The following FGF12 variants were observed in gnomAD, a reference collection of about 807,000 sequenced individuals.
The protein encoded by FGF12 is fibroblast growth factor 12.
In FGF12, 14 loss-of-function variants were observed where a neutral mutation model predicts 23.6. The ratio of observed to expected loss-of-function variants is 0.59; its 90% CI spans 0.39 to 0.93. FGF12 has a LOEUF of 0.93. Ranked by LOEUF, FGF12 falls within the 40% of genes least tolerant of loss-of-function variation. FGF12 has a pLI of 0.00. For synonymous variants in FGF12, 62 were observed against 77.3 expected, an observed-to-expected ratio of 0.80 and a Z score of 1.04; for missense variants, 175 against 217.8, an observed-to-expected ratio of 0.80 and a Z score of 1.24.
chr3:192,672,414 A>C (rs1717158249), intron 2 of FGF12, among the ~76,000 whole-genome samples: 1 of 151,042 alleles, frequency 6.6e-6, no homozygotes, highest in Admixed American at 6.6e-5. Flanking sequence ...ACACACATTA[A>C]AATTGTCATT....
intron 2 of FGF12, among the ~76,000 whole-genome samples, chr3:192,476,051 A>C (rs1415670903): frequency 6.6e-6 from 1 of 152,160 alleles, no homozygotes; most frequent in Non-Finnish European, 1.5e-5. Context: ...CCATCATCAA[A>C]CAGCATAAAA....
At chr3:192,711,056 G>C (rs1289365060) in intron 2 of FGF12, among the ~76,000 whole-genome samples, 2 of 152,180 alleles carry the variant, frequency 1.3e-5, no homozygotes, top group African/African-American at 4.8e-5. Context: ...AGAGCTTCCA[G>C]TCACCTTTTT....
intron 3 of FGF12, among the ~76,000 whole-genome samples, chr3:192,356,883 C>G (rs1055892151): frequency 6.6e-6 from 1 of 152,110 alleles, no homozygotes; most frequent in South Asian, 2.1e-4. Flanking sequence ...AATCCTTCTT[C>G]GATATTTTGA....
At chr3:192,611,823 A>G (rs902880300) in intron 2 of FGF12, among the ~76,000 whole-genome samples, 1 of 152,052 alleles carries the variant, frequency 6.6e-6, no homozygotes, top group African/African-American at 2.4e-5. Context: ...TCCAAAGGAC[A>G]GTAGTCATCT....
chr3:192,374,086 C>T (rs6790539), intron 2 of FGF12, among the ~76,000 whole-genome samples: 19,750 of 152,176 alleles, frequency 0.13, 1,313 homozygotes, highest in East Asian at 0.21. Context: ...AAAGGGCACA[C>T]GTTTGGGAGA....
At chr3:192,724,194 C>T (rs1488915259) in intron 2 of FGF12, among the ~76,000 whole-genome samples, 1 of 152,110 alleles carries the variant, frequency 6.6e-6, no homozygotes, top group Non-Finnish European at 1.5e-5. Context: ...AATGTGCATA[C>T]AAATTGCCTA....
intron 2 of FGF12, among the ~76,000 whole-genome samples, chr3:192,546,591 C>T (rs1725500664): frequency 2.0e-5 from 3 of 152,038 alleles, no homozygotes; most frequent in African/African-American, 4.8e-5. Context: ...CTTATTCCTT[C>T]CTGATAGAAT....
At chr3:192,203,743 A>G (rs555025558) in intron 4 of FGF12, among the ~76,000 whole-genome samples, 13 of 151,960 alleles carry the variant, frequency 8.6e-5, no homozygotes, top group Admixed American at 7.9e-4. Flanking sequence ...AGTAGTTCAG[A>G]TTATTAGCTG....
At chr3:192,421,555 C>T (rs967553889) in intron 2 of FGF12, among the ~76,000 whole-genome samples, 2 of 152,046 alleles carry the variant, frequency 1.3e-5, no homozygotes, top group Non-Finnish European at 2.9e-5. Context: ...TCATTCTCAG[C>T]AAACTATCAC....
intron 2 of FGF12, among the ~76,000 whole-genome samples, chr3:192,372,874 C>G (rs1310510416): frequency 6.6e-6 from 1 of 152,198 alleles, no homozygotes; most frequent in Non-Finnish European, 1.5e-5. Context: ...GTTTCATCAT[C>G]ATCTTAATTG....
intron 5 of FGF12, among the ~76,000 whole-genome samples, chr3:192,145,830 CT>C (rs1192981080): frequency 1.3e-5 from 2 of 152,070 alleles, no homozygotes; most frequent in Non-Finnish European, 2.9e-5. Flanking sequence ...CTTTCTTCTT[CT>C]TTTTTTGTTT....
chr3:192,414,934 G>A (rs1721300070), intron 2 of FGF12, among the ~76,000 whole-genome samples: 1 of 152,058 alleles, frequency 6.6e-6, no homozygotes, highest in Non-Finnish European at 1.5e-5. Context: ...TTTTACTATT[G>A]TTGGCCAAGA....
intron 4 of FGF12, among the ~76,000 whole-genome samples, chr3:192,215,075 C>G (rs1414073338): frequency 6.6e-6 from 1 of 152,180 alleles, no homozygotes; most frequent in African/African-American, 2.4e-5. Flanking sequence ...TCAGAGGATG[C>G]TTACGTTGTC....
intron 4 of FGF12, among the ~76,000 whole-genome samples, chr3:192,271,093 T>G (rs777930815): frequency 1.3e-5 from 2 of 152,196 alleles, no homozygotes; most frequent in Non-Finnish European, 2.9e-5. Context: ...AAGTGTCATC[T>G]AAAAATCATT....
In FGF12 at chr3:192,602,489, T is replaced by C. The variant is rs190317134; in HGVS notation, c.13+124692A>G. 3.3e-3 allele frequency among the ~76,000 whole-genome samples: 495 copies of C among 152,252 alleles called. 3 individuals carry two copies. Among genetic ancestry groups the C allele is most frequent in the Non-Finnish European group, 6.2e-3 (420 of 68,022 alleles). Reference sequence around the variant, plus strand: ...CCTTATCCATCAAATTCTATGTTGATGATTACACATCCTCTCAGAGCTGTG... The same window carrying C: ...CCTTATCCATCAAATTCTATGTTGACGATTACACATCCTCTCAGAGCTGTG... On this transcript the variant is annotated intron_variant, in intron 2 of 5. Transcript: ENST00000445105.
intron 2 of FGF12, among the ~76,000 whole-genome samples, chr3:192,494,841 C>CATATAT (rs60656064): frequency 9.9e-4 from 149 of 150,442 alleles, no homozygotes; most frequent in African/African-American, 3.3e-3. Context: ...AGGGCCTATG[C>CATATAT]ATATATATAT....
At chr3:192,164,558 A>C (rs1243613028) in intron 5 of FGF12, among the ~76,000 whole-genome samples, 1 of 152,176 alleles carries the variant, frequency 6.6e-6, no homozygotes, top group African/African-American at 2.4e-5. Flanking sequence ...TCAAAAGACA[A>C]CACCAGCAGG....
chr3:192,297,179 T>C (rs1291073841), intron 4 of FGF12, among the ~76,000 whole-genome samples: 2 of 152,284 alleles, frequency 1.3e-5, no homozygotes, highest in East Asian at 1.9e-4. Context: ...ACCTATTTGG[T>C]TAGAATTTCC....
intron 4 of FGF12, among the ~76,000 whole-genome samples, chr3:192,322,469 C>T (rs1175375074): frequency 6.6e-6 from 1 of 150,442 alleles, no homozygotes; most frequent in East Asian, 2.0e-4. Context: ...AAAAAATAAT[C>T]CTAAAATTTA....
Sources: allele counts gnomAD v4.1 joint callset (sites outside exome capture counted in the v4.1 genomes callset), GRCh38; gene constraint gnomAD v4.1.1; transcripts MANE v1.5; gene names NCBI Gene and HGNC (gene_info 2026-07-23, HGNC 2026-07-21).